The following ADK variants were observed in gnomAD, a reference collection of about 807,000 sequenced individuals.
ADK encodes N6,N6-dimethyladenosine kinase.
ADK carries 24 observed loss-of-function variants against 44.7 expected under a neutral mutation model. That is an observed-to-expected ratio of 0.54 (90% CI 0.39 to 0.76). The LOEUF is 0.76. ADK is among the 30% of genes least tolerant of loss of function. The pLI, the probability that ADK is intolerant of heterozygous loss-of-function variation, is 0.00. For missense variants in ADK, 321 were observed against 425.1 expected (o/e 0.76, Z 2.15); for synonymous variants, 128 against 142.6 (o/e 0.90, Z 0.73).
In ADK at chr10:74,302,562, G is replaced by A. The variant is rs571043095; in HGVS notation, c.195-12105G>A. On this transcript the variant is annotated intron_variant, in intron 3 of 10. Transcript: ENST00000539909. ...AATCTCAGCACTTTGGGAGGCCAAG[G>A]CAGATGGCTCACTTGAGTCCAGGAG... Among the ~76,000 whole-genome samples the A allele has an allele frequency of 1.0e-3, 158 of 152,092 alleles. 1 individual carries two copies. Among genetic ancestry groups the A allele is most frequent in the African/African-American group, 3.5e-3 (146 of 41,528 alleles).
intron 5 of ADK, among the ~76,000 whole-genome samples, chr10:74,397,759 C>CA (rs1843568458): frequency 6.6e-6 from 1 of 152,108 alleles, no homozygotes. Flanking sequence ...AGGCTGACCT[C>CA]AAACTCCTGG....
chr10:74,185,674 T>TAC (rs1842726781), intron 1 of ADK, among the ~76,000 whole-genome samples: 1 of 139,696 alleles, frequency 7.2e-6, no homozygotes, highest in Non-Finnish European at 1.6e-5. Context: ...CTACTAAAAA[T>TAC]ACAAAAAAAA....
intron 3 of ADK, among the ~76,000 whole-genome samples, chr10:74,225,197 C>G (rs940846848): frequency 6.6e-6 from 1 of 152,206 alleles, no homozygotes; most frequent in African/African-American, 2.4e-5. Flanking sequence ...CCTGCCTTAG[C>G]CTCCCAGGTA....
At position 74,574,427 on chromosome 10, in the gene ADK, C is replaced by T. The variant is rs564953154; in HGVS notation, c.727-14855C>T. Among the ~76,000 whole-genome samples the T allele has an allele frequency of 1.6e-4, 24 of 152,228 alleles. 1 individual carries two copies. The South Asian group carries it at 4.8e-3, about 30-fold the overall frequency. ...CTCGTGATCTGCCTGCCTCAGCCTC[C>T]CAAAGTGCTGGGATTACAGGCATGA... is the stretch of plus-strand genomic sequence containing the variant. On this transcript the variant is annotated intron_variant, in intron 7 of 10. Transcript: ENST00000539909.
chr10:74,525,542 C>A, intron 7 of ADK, 116 bp downstream of exon 7: 1 of 956,408 alleles, frequency 1.0e-6, no homozygotes, highest in Non-Finnish European at 1.5e-6. Flanking sequence ...GTGTAAATGT[C>A]CTTGAGAATT....
intron 10 of ADK, among the ~76,000 whole-genome samples, chr10:74,681,652 C>CT (rs1286656052): frequency 6.6e-6 from 1 of 151,678 alleles, no homozygotes; most frequent in African/African-American, 2.4e-5. Context: ...TCGAGACCAC[C>CT]GGCCAACACA....
chr10:74,194,225 G>A (rs1843045767), intron 1 of ADK, among the ~76,000 whole-genome samples: 1 of 152,128 alleles, frequency 6.6e-6, no homozygotes, highest in Admixed American at 6.5e-5. Context: ...AGCAGGAGAA[G>A]AACTTTACAA....
At chr10:74,226,217 C>T (rs529687921) in intron 3 of ADK, among the ~76,000 whole-genome samples, 61 of 152,178 alleles carry the variant, frequency 4.0e-4, no homozygotes, top group African/African-American at 1.4e-3. Flanking sequence ...AAGCGATTCT[C>T]CTGCCTCAGC....
chr10:74,485,189 G>C lies in ADK; in HGVS notation c.556-40067G>C, dbSNP rs1847221236. ...TTTCAAAATTTTAGTAATCAATATG[G>C]AAAAGACAACACAGAAGAAAAATAG... On this transcript the variant is annotated intron_variant, in intron 6 of 10. Transcript: ENST00000539909. Among the ~76,000 whole-genome samples, 3 of 151,998 alleles carry C rather than the reference G, an allele frequency of 2.0e-5. No individual in the cohort carries two copies. The South Asian group carries it at 6.2e-4, about 32-fold the overall frequency.
intron 10 of ADK, among the ~76,000 whole-genome samples, chr10:74,678,965 A>C (rs1178690006): frequency 6.6e-6 from 1 of 152,232 alleles, no homozygotes; most frequent in African/African-American, 2.4e-5. Context: ...TTCAAAACCT[A>C]GTTACCTAAA....
At chr10:74,684,394 A>G (rs1046383011) in intron 10 of ADK, among the ~76,000 whole-genome samples, 8 of 152,228 alleles carry the variant, frequency 5.3e-5, no homozygotes, top group African/African-American at 1.9e-4. Flanking sequence ...GTAAAGATAC[A>G]GTGATCTGTA....
chr10:74,169,412 T>C (rs554118088), intron 1 of ADK, among the ~76,000 whole-genome samples: 13 of 152,314 alleles, frequency 8.5e-5, no homozygotes. Context: ...AGCAGTGTTA[T>C]CTTGTACTTT....
chr10:74,281,828 A>C (rs1846950042), intron 3 of ADK, among the ~76,000 whole-genome samples: 2 of 152,284 alleles, frequency 1.3e-5, no homozygotes, highest in East Asian at 3.8e-4. Context: ...CTTTTTAAAA[A>C]ATTATTGCTG....
intron 7 of ADK, among the ~76,000 whole-genome samples, chr10:74,576,900 A>G (rs1186028914): frequency 2.6e-5 from 4 of 152,154 alleles, no homozygotes; most frequent in Admixed American, 6.6e-5. Context: ...AGGAGGGTCT[A>G]CATGGTAGAT....
In ADK at chr10:74,410,497, G is replaced by A. The variant is rs547398756; in HGVS notation, c.555+11918G>A. On this transcript the variant is annotated intron_variant, in intron 6 of 10. Coordinates refer to ENST00000539909, the MANE Select transcript of ADK (RefSeq NM_006721.4). The stretch of plus-strand genomic sequence containing the variant: ...GAGACCAGCCTGGCCAAAATTTTTG[G>A]TAGAGACCAGACCATCTCTACTAAA... Among the ~76,000 whole-genome samples the A allele has an allele frequency of 2.6e-5, 4 of 152,056 alleles. No homozygotes were observed. In the South Asian group the frequency reaches 8.3e-4, roughly 32 times the overall value.
intron 3 of ADK, among the ~76,000 whole-genome samples, chr10:74,227,363 A>C (rs527255886): frequency 6.6e-6 from 1 of 152,216 alleles, no homozygotes; most frequent in Non-Finnish European, 1.5e-5. Flanking sequence ...CCCTAATTCT[A>C]TAAGAGTACC....
chr10:74,319,953 T>C (rs1840753843), intron 4 of ADK, among the ~76,000 whole-genome samples: 1 of 152,212 alleles, frequency 6.6e-6, no homozygotes, highest in African/African-American at 2.4e-5. Flanking sequence ...GTAACTATTC[T>C]TTTATTCATT....
At chr10:74,153,232 A>G (rs554294486) in intron 1 of ADK, among the ~76,000 whole-genome samples, 11 of 152,310 alleles carry the variant, frequency 7.2e-5, no homozygotes, top group African/African-American at 2.6e-4. Context: ...TGGGATAATA[A>G]TTCTCCACCA....
intron 3 of ADK, among the ~76,000 whole-genome samples, chr10:74,237,553 C>T (rs1845018672): frequency 6.6e-6 from 1 of 152,188 alleles, no homozygotes; most frequent in African/African-American, 2.4e-5. Flanking sequence ...TTAATGGCAT[C>T]TAGAATGATG....
Sources: allele counts gnomAD v4.1 joint callset (sites outside exome capture counted in the v4.1 genomes callset), GRCh38; gene constraint gnomAD v4.1.1; transcripts MANE v1.5; gene names NCBI Gene and HGNC (gene_info 2026-07-23, HGNC 2026-07-21).